CELF2: variants seen among roughly 807,000 people sequenced by gnomAD.
CELF2 encodes the protein CUG triplet repeat RNA-binding protein 2.
A neutral mutation model predicts 62.6 loss-of-function variants in CELF2; 8 were observed. That is an observed-to-expected ratio of 0.13 (90% CI 0.07 to 0.23). The LOEUF is 0.23. Ranked by LOEUF, CELF2 falls within the 10% of genes least tolerant of loss-of-function variation. CELF2 has a pLI of 1.00. For synonymous variants in CELF2, 258 were observed against 250.0 expected (o/e 1.03, Z -0.30); for missense variants, 333 against 671.0 (o/e 0.50, Z 5.56).
the CELF2 span, among the ~76,000 whole-genome samples, chr10:10,754,055 G>A: frequency 1.6e-5 from 2 of 122,080 alleles, no homozygotes; most frequent in South Asian, 2.9e-4. Context: ...TGTACATGCT[G>A]AGGTGGTTTT....
intron 1 of CELF2, among the ~76,000 whole-genome samples, chr10:10,877,058 C>T (rs1315966996): frequency 6.6e-6 from 1 of 152,200 alleles, no homozygotes; most frequent in Non-Finnish European, 1.5e-5. Flanking sequence ...TTGCAGGAGG[C>T]ATCTAAAGAT....
the CELF2 span, among the ~76,000 whole-genome samples, chr10:10,686,894 C>A: frequency 1.3e-5 from 2 of 152,250 alleles, no homozygotes; most frequent in African/African-American, 2.4e-5. Flanking sequence ...CCATGCCCAG[C>A]CTTATCTTCT....
At chr10:10,852,565 A>T (rs1419189450) in intron 1 of CELF2, among the ~76,000 whole-genome samples, 2 of 152,164 alleles carry the variant, frequency 1.3e-5, no homozygotes, top group Non-Finnish European at 2.9e-5. Flanking sequence ...GTGTGGCAAA[A>T]TTGAATGGAA....
intron 2 of CELF2, among the ~76,000 whole-genome samples, chr10:11,174,510 T>A (rs1315716595): frequency 2.0e-5 from 3 of 152,188 alleles, no homozygotes; most frequent in Non-Finnish European, 4.4e-5. Context: ...TAAGATACAC[T>A]CTGGACAGTG....
chr10:11,263,754 A>G (rs924003827), intron 5 of CELF2, among the ~76,000 whole-genome samples: 1 of 152,358 alleles, frequency 6.6e-6, no homozygotes, highest in Middle Eastern at 3.4e-3. Context: ...TTGGAGGCCT[A>G]ATCCTAAAGC....
the CELF2 span, among the ~76,000 whole-genome samples, chr10:10,534,114 G>A: frequency 2.0e-5 from 3 of 150,548 alleles, no homozygotes; most frequent in African/African-American, 4.9e-5. Context: ...AAAAAGATAA[G>A]GACTGGAAAA....
chr10:10,728,282 T>TA, the CELF2 span, among the ~76,000 whole-genome samples: 274 of 140,172 alleles, frequency 2.0e-3, 1 homozygote, highest in East Asian at 9.2e-3. Flanking sequence ...CTACTAAAAT[T>TA]AAAAAAAAAA....
chr10:11,195,589 G>A (rs145796390), intron 2 of CELF2, among the ~76,000 whole-genome samples: 6 of 152,324 alleles, frequency 3.9e-5, no homozygotes, highest in East Asian at 1.9e-4. Flanking sequence ...TTTGACTGGC[G>A]TCTGATTGGA....
upstream of CELF2, chr10:11,005,227 G>A (rs2054974633): frequency 1.4e-6 from 2 of 1,481,416 alleles, no homozygotes; most frequent in African/African-American, 1.4e-5. This position sits in a 1 kb window ranked among gnomAD's most constrained non-coding sequence, Gnocchi z 4.3. Context: ...ATTTGACTAG[G>A]GAAGAGAGTG....
intron 3 of CELF2, among the ~76,000 whole-genome samples, chr10:11,239,594 A>C (rs1488954532): frequency 2.6e-5 from 4 of 152,374 alleles, no homozygotes; most frequent in African/African-American, 7.2e-5. Context: ...CATCATGGCT[A>C]TCAGGAAAAA....
At chr10:10,528,156 G>GTTT in the CELF2 span, among the ~76,000 whole-genome samples, 18 of 109,964 alleles carry the variant, frequency 1.6e-4, no homozygotes, top group African/African-American at 4.8e-4. Context: ...ATAGATTCCT[G>GTTT]TTTTGTGTGT....
At chr10:10,547,654 T>C in the CELF2 span, among the ~76,000 whole-genome samples, 1 of 149,252 alleles carries the variant, frequency 6.7e-6, no homozygotes, top group Non-Finnish European at 1.5e-5. Flanking sequence ...ACTGTCTTGT[T>C]CTTACAACAC....
chr10:10,750,306 C>T, the CELF2 span, among the ~76,000 whole-genome samples: 1 of 150,438 alleles, frequency 6.6e-6, no homozygotes, highest in Non-Finnish European at 1.5e-5. Context: ...AAAAGAAAAG[C>T]AATGCCACTA....
chr10:11,227,603 T>G lies in CELF2; in HGVS notation c.354+10096T>G, dbSNP rs1045590930. On this transcript the variant is annotated intron_variant, in intron 3 of 12. Transcript: ENST00000633077. This position sits in a 1 kb window ranked among gnomAD's most constrained non-coding sequence, Gnocchi z 4.8. ...GCCATCACATTGTGGTTTTTGCTGT[T>G]ATCTGCTGTTAGATTCGGCCGGAAT... Among the ~76,000 whole-genome samples the G allele has an allele frequency of 6.6e-6, 1 of 152,212 alleles. No individual in the cohort carries two copies. The highest frequency in any genetic ancestry group is 1.9e-4 in the East Asian group (1 of 5,196).
intron 2 of CELF2, among the ~76,000 whole-genome samples, chr10:10,991,518 G>A (rs998617872): frequency 6.6e-6 from 1 of 152,168 alleles, no homozygotes; most frequent in Admixed American, 6.5e-5. Context: ...ATCCACCAGT[G>A]CATCCTGGGG....
At chr10:10,955,815 T>G (rs893614933) in intron 2 of CELF2, among the ~76,000 whole-genome samples, 1 of 152,176 alleles carries the variant, frequency 6.6e-6, no homozygotes, top group African/African-American at 2.4e-5. Context: ...AGATTCTGTG[T>G]TCATGCAGGT....
At chr10:11,108,353 TTTG>T (rs2054213762) in intron 1 of CELF2, among the ~76,000 whole-genome samples, 1 of 151,780 alleles carries the variant, frequency 6.6e-6, no homozygotes, top group African/African-American at 2.4e-5. Flanking sequence ...TCACTGTTTT[TTTG>T]TTTGTTTTTT....
intron 9 of CELF2, 116 bp downstream of exon 9, chr10:11,288,668 T>C: frequency 9.1e-7 from 1 of 1,103,088 alleles, no homozygotes; most frequent in South Asian, 1.6e-5. Flanking sequence ...GCCGGGATAC[T>C]ATACTGGGCT....
chr10:10,660,058 G>A, the CELF2 span, among the ~76,000 whole-genome samples: 1 of 152,186 alleles, frequency 6.6e-6, no homozygotes, highest in Non-Finnish European at 1.5e-5. Flanking sequence ...GGGGCCATGA[G>A]CCAAGGAAAC....
Sources: allele counts gnomAD v4.1 joint callset (sites outside exome capture counted in the v4.1 genomes callset), GRCh38; gene constraint gnomAD v4.1.1; non-coding constraint Gnocchi (gnomAD v3.1); transcripts MANE v1.5; gene names NCBI Gene and HGNC (gene_info 2026-07-23, HGNC 2026-07-21).